Variants in GRAMD1A observed in about 807,000 individuals in gnomAD.
The protein encoded by GRAMD1A is GRAM domain containing 1A.
GRAMD1A carries 50 observed loss-of-function variants against 92.0 expected under a neutral mutation model. The ratio of observed to expected loss-of-function variants is 0.54; its 90% CI spans 0.43 to 0.69. The LOEUF is 0.69. GRAMD1A is among the 30% of genes least tolerant of loss of function. GRAMD1A has a pLI of 0.00. For synonymous variants in GRAMD1A, 405 were observed against 403.6 expected (o/e 1.00, Z -0.04); for missense variants, 819 against 978.9 (o/e 0.84, Z 2.18).
upstream of GRAMD1A, chr19:34,996,178 G>A: frequency 3.3e-6 from 5 of 1,535,788 alleles, no homozygotes; most frequent in Non-Finnish European, 4.4e-6. Flanking sequence ...TCCTGGAGGT[G>A]CCCATCATTC....
In GRAMD1A at chr19:35,019,241, G is replaced by A. The variant is rs778464805; in HGVS notation, c.1264G>A (p.Val422Met). ...SGDSKCHQRR[V>M]LTYTIPISNP... is the part of the protein sequence containing the mutation. ...GGACAGCAAGTGCCACCAGCGCCGG[G>A]TGCTGACGTACACCATCCCCATCAG... is the stretch of plus-strand genomic sequence containing the variant. Residue 422 changes from valine (V) to methionine (M), a missense_variant, in exon 12 of 20, where the codon GTG becomes ATG. Transcript: ENST00000317991. 1.2e-6 allele frequency: 2 copies of A among 1,613,466 alleles called. No homozygotes were observed. Among genetic ancestry groups the A allele is most frequent in the South Asian group, 1.1e-5 (1 of 91,046 alleles).
At chr19:35,025,833 TC>T in intron 19 of GRAMD1A, among the ~76,000 whole-genome samples, 1 of 152,262 alleles carries the variant, frequency 6.6e-6, no homozygotes, top group South Asian at 2.1e-4. Context: ...ACCTAGGCCA[TC>T]GGGGTCACAG....
At position 35,010,349 on chromosome 19, in the gene GRAMD1A, C is replaced by T. The variant is rs76289022; in HGVS notation, c.495C>T (p.Asn165=). 2.7e-5 allele frequency: 44 copies of T among 1,613,516 alleles called. No homozygotes were observed. Among genetic ancestry groups the T allele is most frequent in the East Asian group, 1.6e-4 (7 of 44,878 alleles). ...KKEKTAKLIP[N]AIQICTESEK... is the part of the protein sequence containing the mutation. Reference sequence around the variant, plus strand: ...AAAAGACGGCCAAGCTGATCCCCAACGCCATCCAGATCTGCACGGAGAGCG... The same window carrying T: ...AAAAGACGGCCAAGCTGATCCCCAATGCCATCCAGATCTGCACGGAGAGCG... Residue 165 remains asparagine, a synonymous_variant, in exon 6 of 20, where the codon AAC becomes AAT. Transcript: ENST00000317991.
chr19:35,006,628 C>G (rs1456067280), intron 1 of GRAMD1A, among the ~76,000 whole-genome samples: 2 of 152,232 alleles, frequency 1.3e-5, no homozygotes, highest in African/African-American at 2.4e-5. Flanking sequence ...GCTCATTCCC[C>G]AAGGGCAGGG....
At chr19:35,015,046 A>G (rs62122154) in intron 10 of GRAMD1A, 25,215 of 153,728 alleles carry the variant, frequency 0.16, 2,778 homozygotes, top group African/African-American at 0.31. Flanking sequence ...CATGCACCCT[A>G]TGTAGTCTCA....
At chr19:34,997,333 G>A (rs1202436229), upstream of GRAMD1A, among the ~76,000 whole-genome samples, 4 of 146,244 alleles carry the variant, frequency 2.7e-5, no homozygotes, top group Admixed American at 7.1e-5. Context: ...TTCTAAGTGC[G>A]TGCTGGAAGC....
intron 11 of GRAMD1A, among the ~76,000 whole-genome samples, chr19:35,018,119 C>T (rs2015772124): frequency 6.6e-6 from 1 of 151,850 alleles, no homozygotes; most frequent in Non-Finnish European, 1.5e-5. Flanking sequence ...TCCTGAGTAG[C>T]CGGGATTATA....
At chr19:34,995,893 C>A, upstream of GRAMD1A, 1 of 739,666 alleles carries the variant, frequency 1.4e-6, no homozygotes, top group Non-Finnish European at 2.2e-6. Context: ...CCCAACTGTG[C>A]TCTTAATCAT....
In GRAMD1A at chr19:35,022,889, T is replaced by G; in HGVS notation, c.1842-11T>G. 1 of 1,604,642 alleles carries G rather than the reference T, an allele frequency of 6.2e-7. No homozygotes were observed. ...TCATCTCTCTGTCTCCCCTCACTGC[T>G]GCTGCTGCAGGATCTGTGTGAGGTA... On this transcript the variant is annotated splice_polypyrimidine_tract_variant and intron_variant, in intron 16 of 19. Transcript: ENST00000317991.
At position 35,014,589 on chromosome 19, in the gene GRAMD1A, A is replaced by C. The variant is rs559338871; in HGVS notation, c.1069+202A>C. 1.0e-5 allele frequency: 6 copies of C among 599,598 alleles called. No homozygotes were observed. In the African/African-American group the frequency reaches 1.1e-4, roughly 11 times the overall value. 37.1% of individuals were successfully genotyped at this position (599,598 alleles called of 1,614,324 possible). A position where few individuals can be genotyped will look rare whatever the true frequency, so the allele number is the denominator to read the frequency against. ...GTGAACACAAGCACAGACTGAAGGC[A>C]GCTTGCCGCGGTTCACATCCTGGTC... On this transcript the variant is annotated intron_variant, in intron 10 of 19. Transcript: ENST00000317991.
chr19:35,011,451 C>A (rs1327282134), intron 6 of GRAMD1A, 23 bp from the exon 7 acceptor site: 1 of 1,494,710 alleles, frequency 6.7e-7, no homozygotes. Context: ...GCTCACACCT[C>A]TCTCTCTCTC....
In GRAMD1A at chr19:35,013,645, A is replaced by G. The variant is rs760394231; in HGVS notation, c.824A>G (p.His275Arg). 23 of 1,613,252 alleles carry G rather than the reference A, an allele frequency of 1.4e-5. No individual in the cohort carries two copies. Among genetic ancestry groups the G allele is most frequent in the East Asian group, 4.5e-5 (2 of 44,876 alleles). Residue 275 changes from histidine to arginine, a missense_variant, in exon 9 of 20, where the codon CAT becomes CGT. Around this residue, in one of 3 missense-constraint regions of GRAMD1A, gnomAD observed 577 missense variants for 674.6 expected, o/e 0.86. Coordinates refer to ENST00000317991, the MANE Select transcript of GRAMD1A (RefSeq NM_020895.5). This position sits in a 1 kb window ranked among gnomAD's most constrained non-coding sequence, Gnocchi z 4.9. ...AGCCCAGTGGGTTCGCGCCGTGGCC[A>G]TGTCACGCCCAACCTTTCCCGAGCC... Reference protein sequence around the residue: ...EPSPVGSRRGHVTPNLSRASS... With the variant: ...EPSPVGSRRGRVTPNLSRASS...
upstream of GRAMD1A, chr19:34,999,903 A>C: frequency 1.5e-5 from 7 of 454,418 alleles, no homozygotes; most frequent in Non-Finnish European, 2.0e-5. Flanking sequence ...CCTTCCCGCC[A>C]GCTTCAGGCC....
At position 35,009,457 on chromosome 19, in the gene GRAMD1A, CA is replaced by C; in HGVS notation, c.240+16del. 1 of 1,613,742 alleles carries C rather than the reference CA, an allele frequency of 6.2e-7. No homozygotes were observed. The highest frequency in any genetic ancestry group is 2.2e-5 in the East Asian group (1 of 44,884). On this transcript the variant is annotated intron_variant, in intron 3 of 19. Transcript: ENST00000317991. Reference sequence around the variant, plus strand: ...AGCTGGTACAGTGTAAGTGTCTGGGCAAGGGGCTTGCTGGAGGGCTGGGAGG... The same window carrying C: ...AGCTGGTACAGTGTAAGTGTCTGGGCAGGGGCTTGCTGGAGGGCTGGGAGG...
chr19:35,014,256 C>T lies in GRAMD1A; in HGVS notation c.938C>T (p.Pro313Leu), dbSNP rs781414377. The change falls in exon 10 of 20, where the codon CCG (proline) becomes CTG (leucine). Residue 313 changes from proline to leucine, a missense_variant. This residue lies in a region of GRAMD1A where 577 missense variants were observed against 674.6 expected (regional missense o/e 0.86). Transcript: ENST00000317991. ...GCCTCCTCCAGCCAGACAGTGACCC[C>T]GGTGGCTGAACCCCCGAGCACAGAG... ...PDASSSQTVT[P>L]VAEPPSTEPT... 25 of 1,613,986 alleles carry T rather than the reference C, an allele frequency of 1.5e-5. No homozygotes were observed. Among genetic ancestry groups the T allele is most frequent in the Admixed American group, 3.3e-5 (2 of 60,006 alleles).
chr19:35,025,259 T>C (rs964182407), intron 19 of GRAMD1A: 1 of 152,202 alleles, frequency 6.6e-6, no homozygotes. Context: ...GAGAAGATGC[T>C]CTTGTTATCC....
At chr19:35,025,897 G>C (rs2016397079) in intron 19 of GRAMD1A, 152 bp from the exon 20 acceptor site, 1 of 634,742 alleles carries the variant, frequency 1.6e-6, no homozygotes, top group African/African-American at 1.8e-5. Context: ...ACTGGGTGCA[G>C]CATGGCTGTG....
chr19:35,012,831 T>C (rs991914954), intron 7 of GRAMD1A, among the ~76,000 whole-genome samples: 1 of 152,162 alleles, frequency 6.6e-6, no homozygotes, highest in African/African-American at 2.4e-5. Context: ...AAAAATTAGC[T>C]GGGCGTGGTA....
At chr19:35,005,759 A>T (rs2014765705) in intron 1 of GRAMD1A, 9 of 417,340 alleles carry the variant, frequency 2.2e-5, no homozygotes, top group South Asian at 1.5e-4. Flanking sequence ...AGACCCGTGA[A>T]GGACTTGGAC....
Sources: gnomAD v4.1 joint callset for allele counts (sites outside exome capture counted in the v4.1 genomes callset) on GRCh38, gnomAD v4.1.1 for gene constraint, gnomAD v4.1.1 regional missense constraint, Gnocchi (gnomAD v3.1) non-coding constraint, MANE v1.5 for transcripts, NCBI Gene and HGNC (gene_info 2026-07-23, HGNC 2026-07-21) for gene names.